The following TMED10 variants were observed in gnomAD, a reference collection of about 807,000 sequenced individuals.
TMED10 encodes the protein transmembrane p24 trafficking protein 10, also known as transmembrane emp24 domain-containing protein 10.
In TMED10, 7 loss-of-function variants were observed where a neutral mutation model predicts 23.1. The ratio of observed to expected loss-of-function variants is 0.30; its 90% CI spans 0.17 to 0.57. TMED10 has a LOEUF of 0.57. Ranked by LOEUF, TMED10 falls within the 20% of genes least tolerant of loss-of-function variation. The probability of loss-of-function intolerance (pLI) is 0.91; values close to 1 mark genes in which losing one functional copy is unlikely to be tolerated. For synonymous variants in TMED10, 113 were observed against 106.9 expected (o/e 1.06, Z -0.35); for missense variants, 162 against 274.8 (o/e 0.59, Z 2.90).
chr14:75,171,621 C>T (rs1007445916), intron 1 of TMED10, among the ~76,000 whole-genome samples: 1 of 98,872 alleles, frequency 1.0e-5, no homozygotes, highest in Non-Finnish European at 2.3e-5. Context: ...CCAAAGAATA[C>T]AAGTGGCTTC....
intron 1 of TMED10, among the ~76,000 whole-genome samples, chr14:75,169,980 C>A (rs1896211412): frequency 6.6e-6 from 1 of 152,124 alleles, no homozygotes; most frequent in African/African-American, 2.4e-5. Flanking sequence ...GTAATCCCAG[C>A]ACTTTGGGAG....
rs139668325 is a variant in TMED10, at chr14:75,156,091, T to C, written c.226-3948A>G. On this transcript the variant is annotated intron_variant, in intron 1 of 4. Transcript: ENST00000303575. ...ACAAAGTGGAAGGGCAATAAGGAAT[T>C]TGAAACAGAATGATGTGAGTCAATG... 3.6e-4 allele frequency among the ~76,000 whole-genome samples: 55 copies of C among 152,040 alleles called. 1 individual carries two copies. The East Asian group carries it at 0.01, about 29-fold the overall frequency.
chr14:75,153,275 AAAAAAC>A (rs201017539), intron 1 of TMED10, among the ~76,000 whole-genome samples: 3,311 of 152,212 alleles, frequency 0.022, 81 homozygotes, highest in African/African-American at 0.055. Flanking sequence ...CTCTGTCTCA[AAAAAAC>A]AAAAACAAAA....
intron 3 of TMED10, among the ~76,000 whole-genome samples, chr14:75,136,412 G>A (rs1463020140): frequency 6.6e-6 from 1 of 152,164 alleles, no homozygotes; most frequent in African/African-American, 2.4e-5. Flanking sequence ...GTCCGCCTTG[G>A]CCTCCCAAAG....
At chr14:75,153,371 C>G (rs1895978888) in intron 1 of TMED10, among the ~76,000 whole-genome samples, 1 of 152,196 alleles carries the variant, frequency 6.6e-6, no homozygotes, top group Admixed American at 6.5e-5. Context: ...CTTCTAGATC[C>G]TTAGCTTTAG....
chr14:75,132,176 T>A lies in TMED10; in HGVS notation c.*2709A>T, dbSNP rs2139826203. 6.6e-6 allele frequency: 1 copy of A among 152,234 alleles called. No individual in the cohort carries two copies. The highest frequency in any genetic ancestry group is 2.1e-4 in the South Asian group (1 of 4,820). The allele number at this position is 152,234 out of a possible 1,614,324, so 9.4% of individuals were successfully genotyped here. A position where few individuals can be genotyped will look rare whatever the true frequency, so the allele number is the denominator to read the frequency against. ...GCTGAGGCAGGCAGATCACTTGAGGTCAGGAGTTCGAGACCAACCTGGCCA... is the reference window on the plus strand; with the variant it reads ...GCTGAGGCAGGCAGATCACTTGAGGACAGGAGTTCGAGACCAACCTGGCCA... On this transcript the variant is annotated 3_prime_UTR_variant, in exon 5 of 5. Transcript: ENST00000303575.
chr14:75,152,280 C>T (rs1342718013), intron 1 of TMED10, 137 bp from the exon 2 acceptor site: 1 of 660,430 alleles, frequency 1.5e-6, no homozygotes, highest in Non-Finnish European at 2.5e-6. Flanking sequence ...CCAACCATCC[C>T]CAAAGACAAA....
At chr14:75,176,175 C>A in intron 1 of TMED10, 180 bp downstream of exon 1, 2 of 730,130 alleles carry the variant, frequency 2.7e-6, no homozygotes, top group South Asian at 1.9e-5. Context: ...TGGTGACCCG[C>A]CCCGCCCCGC....
intron 4 of TMED10, among the ~76,000 whole-genome samples, chr14:75,135,247 G>A (rs1339497507): frequency 6.6e-6 from 1 of 151,964 alleles, no homozygotes; most frequent in East Asian, 1.9e-4. Context: ...TCAGGAGATC[G>A]AGACCATCCT....
intron 1 of TMED10, among the ~76,000 whole-genome samples, chr14:75,152,577 T>C (rs1393773416): frequency 2.6e-5 from 4 of 152,080 alleles, no homozygotes; most frequent in Non-Finnish European, 5.9e-5. Context: ...ACAAATTTGA[T>C]GGGGAAGGGG....
At chr14:75,139,153 T>C (rs1431491663) in intron 3 of TMED10, 1 of 453,062 alleles carries the variant, frequency 2.2e-6, no homozygotes, top group Non-Finnish European at 4.4e-6. Context: ...TTCCACACCT[T>C]TTCTTCTGAG....
intron 1 of TMED10, among the ~76,000 whole-genome samples, chr14:75,158,486 C>T (rs1896048289): frequency 2.0e-5 from 3 of 152,082 alleles, no homozygotes; most frequent in Non-Finnish European, 4.4e-5. Flanking sequence ...CACCACTACA[C>T]CCGACTAATT....
rs1182949673 is a variant in TMED10, at chr14:75,131,941, T to G, written c.*2944A>C. The G allele has an allele frequency of 6.6e-6, 1 of 152,552 alleles. No homozygotes were observed. Among genetic ancestry groups the G allele is most frequent in the Non-Finnish European group, 1.5e-5 (1 of 68,046 alleles). The allele number at this position is 152,552 out of a possible 1,614,324, so 9.4% of individuals were successfully genotyped here. A position where few individuals can be genotyped will look rare whatever the true frequency, so the allele number is the denominator to read the frequency against. On this transcript the variant is annotated 3_prime_UTR_variant, in exon 5 of 5. Coordinates refer to ENST00000303575, the MANE Select transcript of TMED10 (RefSeq NM_006827.6). ...AGCATCAACGAAATAAAATATTCTC[T>G]TCTCCTATCTTCTTGACATTTTGTC...
At chr14:75,167,674 G>A (rs1489296659) in intron 1 of TMED10, among the ~76,000 whole-genome samples, 1 of 152,116 alleles carries the variant, frequency 6.6e-6, no homozygotes, top group Non-Finnish European at 1.5e-5. Flanking sequence ...AGTTGGGAAG[G>A]ACAGAAATCA....
chr14:75,164,013 T>TATA (rs1463292337), intron 1 of TMED10, among the ~76,000 whole-genome samples: 1 of 152,184 alleles, frequency 6.6e-6, no homozygotes, highest in Non-Finnish European at 1.5e-5. Flanking sequence ...ATTATTGTTA[T>TATA]AACTGTTGGT....
intron 1 of TMED10, among the ~76,000 whole-genome samples, chr14:75,159,838 T>C (rs1896065572): frequency 1.3e-5 from 2 of 152,200 alleles, no homozygotes; most frequent in Admixed American, 6.6e-5. Context: ...AGAAGAACCA[T>C]TTGCATTGTC....
intron 3 of TMED10, among the ~76,000 whole-genome samples, chr14:75,140,664 C>T (rs1015609819): frequency 1.3e-5 from 2 of 152,226 alleles, no homozygotes; most frequent in South Asian, 2.1e-4. Context: ...GCTGAGATGG[C>T]ACCGCTGCAC....
At chr14:75,162,025 G>C (rs757302928) in intron 1 of TMED10, among the ~76,000 whole-genome samples, 1 of 152,190 alleles carries the variant, frequency 6.6e-6, no homozygotes, top group Non-Finnish European at 1.5e-5. Flanking sequence ...AGAGGTCCGG[G>C]GCGGGGTGGG....
intron 1 of TMED10, among the ~76,000 whole-genome samples, chr14:75,164,551 ATATATATATATATATATATATATATAT>A (rs1262186333): frequency 0.034 from 52 of 1,526 alleles, 6 homozygotes; most frequent in Middle Eastern, 0.25. Flanking sequence ...ATATATATAT[ATATATATATATATATATATATATATAT>A]TTTTTTTTTT....
Sources: allele counts gnomAD v4.1 joint callset (sites outside exome capture counted in the v4.1 genomes callset), GRCh38; gene constraint gnomAD v4.1.1; transcripts MANE v1.5; gene names NCBI Gene and HGNC (gene_info 2026-07-23, HGNC 2026-07-21).